Variants in NGFR observed in about 807,000 individuals in gnomAD.
NGFR encodes tumor necrosis factor receptor superfamily member 16.
In NGFR, 30 loss-of-function variants were observed where a neutral mutation model predicts 43.2. The ratio of observed to expected loss-of-function variants is 0.69; its 90% CI spans 0.52 to 0.94. NGFR has a LOEUF of 0.94. Ranked by LOEUF, NGFR falls within the 40% of genes least tolerant of loss-of-function variation. The probability of loss-of-function intolerance (pLI) is 0.00; values close to 1 mark genes in which losing one functional copy is unlikely to be tolerated. For synonymous variants in NGFR, 246 were observed against 259.6 expected (o/e 0.95, Z 0.50); for missense variants, 529 against 602.5 (o/e 0.88, Z 1.28).
intron 1 of NGFR, chr17:49,497,713 A>G (rs1427200911): frequency 6.6e-6 from 1 of 152,246 alleles, no homozygotes; most frequent in Non-Finnish European, 1.5e-5. Flanking sequence ...CCGCGCCGGT[A>G]ATGGAGGCAC....
intron 3 of NGFR, among the ~76,000 whole-genome samples, chr17:49,507,274 A>G (rs924924360): frequency 7.2e-5 from 11 of 152,146 alleles, no homozygotes; most frequent in Non-Finnish European, 1.3e-4. Flanking sequence ...GTTGCGGGTT[A>G]GGGAATACAG....
At position 49,511,907 on chromosome 17, in the gene NGFR, G is replaced by A. The variant is rs768128067; in HGVS notation, c.837G>A (p.Lys279=). 1.2e-6 allele frequency: 2 copies of A among 1,609,426 alleles called. No individual in the cohort carries two copies. The highest frequency in any genetic ancestry group is 1.1e-5 in the South Asian group (1 of 90,162). Residue 279 remains lysine (K), a synonymous_variant, in exon 5 of 6, where the codon AAG becomes AAA. Coordinates refer to ENST00000172229, the MANE Select transcript of NGFR (RefSeq NM_002507.4). ...YIAFKRWNSC[K]QNKQGANSRP... ...CTGGCTCCAGGTGGAACAGCTGCAA[G>A]CAGAACAAGCAAGGAGCCAACAGCC...
rs1473697770 is a variant in NGFR, at chr17:49,512,670, CA to C, written c.983-37del. On this transcript the variant is annotated intron_variant, in intron 5 of 5. Transcript: ENST00000172229. This position sits in a 1 kb window ranked among gnomAD's most constrained non-coding sequence, Gnocchi z 5.2. ...GTGCCCACTGTTGGGGAAAGGAGTT[CA>C]GGGGTAGGACCTGACTCTCCTCTGG... 1 of 1,535,610 alleles carries C rather than the reference CA, an allele frequency of 6.5e-7. No individual in the cohort carries two copies. Among genetic ancestry groups the C allele is most frequent in the Non-Finnish European group, 8.8e-7 (1 of 1,139,710 alleles).
At chr17:49,496,759 G>A (rs2071140780) in intron 1 of NGFR, 1 of 151,636 alleles carries the variant, frequency 6.6e-6, no homozygotes. Flanking sequence ...CAAGCCGCTG[G>A]GCACCTAACG....
chr17:49,506,326 C>T lies in NGFR; in HGVS notation c.236C>T (p.Ala79Val). ...DSVTFSDVVS[A>V]TEPCKPCTEC... ...GTGACGTTCTCCGACGTGGTGAGCGCGACCGAGCCGTGCAAGCCGTGCACC... is the reference window on the plus strand; with the variant it reads ...GTGACGTTCTCCGACGTGGTGAGCGTGACCGAGCCGTGCAAGCCGTGCACC... Residue 79 changes from alanine to valine, a missense_variant, in exon 3 of 6, where the codon GCG (alanine) becomes GTG (valine). Ala to Val is a moderately conservative substitution (Grantham distance 64). Coordinates refer to ENST00000172229, the MANE Select transcript of NGFR (RefSeq NM_002507.4). 3 of 1,574,822 alleles carry T rather than the reference C, an allele frequency of 1.9e-6. No homozygotes were observed. Among genetic ancestry groups the T allele is most frequent in the Non-Finnish European group, 2.6e-6 (3 of 1,161,710 alleles).
intron 2 of NGFR, among the ~76,000 whole-genome samples, chr17:49,503,906 C>T (rs990917105): frequency 6.6e-6 from 1 of 152,168 alleles, no homozygotes; most frequent in South Asian, 2.1e-4. Flanking sequence ...GGACCTTCAG[C>T]AGGAGGTGGG....
chr17:49,501,133 C>G (rs2071164875), intron 1 of NGFR, among the ~76,000 whole-genome samples: 1 of 152,176 alleles, frequency 6.6e-6, no homozygotes, highest in African/African-American at 2.4e-5. Context: ...CCTGGGGAAT[C>G]TGGTGTTAAA....
At position 49,513,078 on chromosome 17, in the gene NGFR, C is replaced by A. The variant is rs966405999; in HGVS notation, c.*69C>A. ...GATGCTCCAGCCAACCCCTGTGGAG[C>A]CCGCACCCCCACCCTTTGGGGGGGG... On this transcript the variant is annotated 3_prime_UTR_variant, in exon 6 of 6. Transcript: ENST00000172229. 1 of 1,423,662 alleles carries A rather than the reference C, an allele frequency of 7.0e-7. No homozygotes were observed. The highest frequency in any genetic ancestry group is 9.2e-7 in the Non-Finnish European group (1 of 1,081,992). 88.2% of individuals were successfully genotyped at this position (1,423,662 alleles called of 1,614,324 possible). A position where few individuals can be genotyped will look rare whatever the true frequency, so the allele number is the denominator to read the frequency against.
chr17:49,512,032 CGCAGA>C lies in NGFR; in HGVS notation c.963_967del (p.Gln322SerfsTer9). ...AGCCTGCATGACCAGCAGCCCCACACGCAGACAGCCTCGGGCCAGGGTGAGCAGCG... is the reference window on the plus strand; with the variant it reads ...AGCCTGCATGACCAGCAGCCCCACACCAGCCTCGGGCCAGGGTGAGCAGCG... On this transcript the variant is annotated frameshift_variant, in exon 5 of 6. Transcript: ENST00000172229. LOFTEE classifies it high-confidence loss of function. The surrounding 1 kb of genome is among the most constrained non-coding windows in gnomAD (Gnocchi z 5.2). 6.2e-7 allele frequency: 1 copy of C among 1,613,570 alleles called. No individual in the cohort carries two copies.
intron 2 of NGFR, among the ~76,000 whole-genome samples, chr17:49,504,725 C>G (rs2071185708): frequency 6.6e-6 from 1 of 151,234 alleles, no homozygotes. Flanking sequence ...GCCCTTCTTC[C>G]TGGGTCTTTT....
chr17:49,502,018 C>CCCCCCCCACA, intron 1 of NGFR, 45 bp from the exon 2 acceptor site: 2 of 1,320,364 alleles, frequency 1.5e-6, no homozygotes, highest in Non-Finnish European at 2.0e-6. Flanking sequence ...CAACCCACCC[C>CCCCCCCCACA]AGCTTTCTCT....
rs199928770 is a variant in NGFR at position 49,512,067 on chromosome 17, G to A, written c.982+15G>A. On this transcript the variant is annotated intron_variant, in intron 5 of 5. Coordinates refer to ENST00000172229, the MANE Select transcript of NGFR (RefSeq NM_002507.4). The surrounding 1 kb of genome is among the most constrained non-coding windows in gnomAD (Gnocchi z 5.2). ...CTCGGGCCAGGGTGAGCAGCGGCCC[G>A]CTGGGGAGCTGAGGCGGAGCTGAGG... 1.5e-5 allele frequency: 24 copies of A among 1,608,964 alleles called. No homozygotes were observed. Among genetic ancestry groups the A allele is most frequent in the South Asian group, 3.3e-5 (3 of 90,514 alleles).
At chr17:49,505,367 G>T (rs1179503456) in intron 2 of NGFR, among the ~76,000 whole-genome samples, 2 of 152,174 alleles carry the variant, frequency 1.3e-5, no homozygotes, top group African/African-American at 4.8e-5. Context: ...GTGGCACAGA[G>T]TTCCCCACCC....
At chr17:49,509,995 G>A (rs2071221262) in intron 3 of NGFR, among the ~76,000 whole-genome samples, 1 of 152,144 alleles carries the variant, frequency 6.6e-6, no homozygotes, top group Non-Finnish European at 1.5e-5. Flanking sequence ...TCCAGCTCAA[G>A]GCCTCCCTGT....
At position 49,506,306 on chromosome 17, in the gene NGFR, G is replaced by T; in HGVS notation, c.216G>T (p.Thr72=). ...TVCEPCLDSV[T]FSDVVSATEP... ...GGTGTCCGCTGCGCTCAGGCGTGAC[G>T]TTCTCCGACGTGGTGAGCGCGACCG... Residue 72 remains threonine (T), a synonymous_variant, in exon 3 of 6, where the codon ACG becomes ACT. Transcript: ENST00000172229. The T allele has an allele frequency of 1.3e-6, 2 of 1,560,112 alleles. No individual in the cohort carries two copies. Among genetic ancestry groups the T allele is most frequent in the Non-Finnish European group, 8.7e-7 (1 of 1,154,618 alleles).
chr17:49,502,424 C>T (rs1417141844), intron 2 of NGFR, among the ~76,000 whole-genome samples: 2 of 152,106 alleles, frequency 1.3e-5, no homozygotes. Context: ...GAGGGGAACC[C>T]CATGGGGGAT....
Position 49,495,544 on chromosome 17 carries a change from G to A in NGFR, c.66+61G>A, listed in dbSNP as rs1264363700. 4 of 1,195,380 alleles carry A rather than the reference G, an allele frequency of 3.3e-6. No individual in the cohort carries two copies. Among genetic ancestry groups the A allele is most frequent in the South Asian group, 4.2e-5 (1 of 23,658 alleles). 74.0% of individuals were successfully genotyped at this position (1,195,380 alleles called of 1,614,324 possible). A position where few individuals can be genotyped will look rare whatever the true frequency, so the allele number is the denominator to read the frequency against. On this transcript the variant is annotated intron_variant, in intron 1 of 5. Transcript: ENST00000172229. This position sits in a 1 kb window ranked among gnomAD's most constrained non-coding sequence, Gnocchi z 6.4. Reference sequence around the variant, plus strand: ...CGGGATCAGAACTCCGAGAAGAGCCGGGCGCCGCCACCAAGGAAACAGAAC... The same window carrying A: ...CGGGATCAGAACTCCGAGAAGAGCCAGGCGCCGCCACCAAGGAAACAGAAC...
At chr17:49,499,867 G>T (rs1375066289) in intron 1 of NGFR, among the ~76,000 whole-genome samples, 1 of 152,294 alleles carries the variant, frequency 6.6e-6, no homozygotes, top group South Asian at 2.1e-4. Flanking sequence ...GATTACAGGC[G>T]TAAGCCACCA....
chr17:49,512,062 GGCCCGCTGGGGAGCTGAGGCGGA>G lies in NGFR; in HGVS notation c.982+13_982+35del, dbSNP rs747368435. ...ACAGCCTCGGGCCAGGGTGAGCAGC[GGCCCGCTGGGGAGCTGAGGCGGA>G]GCTGAGGCTGAGGAAACAGAAGCAA... On this transcript the variant is annotated intron_variant, in intron 5 of 5. Transcript: ENST00000172229. The surrounding 1 kb of genome is among the most constrained non-coding windows in gnomAD (Gnocchi z 5.2). The G allele has an allele frequency of 6.3e-5, 101 of 1,610,374 alleles. No individual in the cohort carries two copies. The highest frequency in any genetic ancestry group is 1.8e-4 in the Middle Eastern group (1 of 5,712).
Sources: gnomAD v4.1 joint callset for allele counts (sites outside exome capture counted in the v4.1 genomes callset) on GRCh38, gnomAD v4.1.1 for gene constraint, Gnocchi (gnomAD v3.1) non-coding constraint, MANE v1.5 for transcripts, NCBI Gene and HGNC (gene_info 2026-07-23, HGNC 2026-07-21) for gene names.